Variants in TENM3 observed in about 807,000 individuals in gnomAD.
TENM3 encodes the protein teneurin-3.
Under a neutral mutation model 255.1 loss-of-function variants are expected in TENM3, and 63 were observed. The ratio of observed to expected loss-of-function variants is 0.25; its 90% CI spans 0.20 to 0.30. The LOEUF is 0.30. Among genes scored for constraint, TENM3 ranks in the 10% least tolerant of loss-of-function variants. The pLI is 1.00. For missense variants in TENM3, 2,929 were observed against 3,461.1 expected, an observed-to-expected ratio of 0.85 and a Z score of 3.86; for synonymous variants, 1,306 against 1,322.3, an observed-to-expected ratio of 0.99 and a Z score of 0.27.
At chr4:182,467,810 A>T (rs531027469) in intron 3 of TENM3, among the ~76,000 whole-genome samples, 1 of 152,174 alleles carries the variant, frequency 6.6e-6, no homozygotes, top group East Asian at 1.9e-4. Context: ...TAAAGATCCA[A>T]TCTGGTAATT....
intron 5 of TENM3, among the ~76,000 whole-genome samples, chr4:182,645,160 G>A (rs1345169360): frequency 6.6e-6 from 1 of 151,480 alleles, no homozygotes; most frequent in Non-Finnish European, 1.5e-5. Context: ...GTGATATCAT[G>A]AACAGAAAAG....
intron 1 of TENM3, among the ~76,000 whole-genome samples, chr4:182,159,459 TGTGTGTGTGTGTG>T (rs1750953019): frequency 1.6e-5 from 1 of 60,818 alleles, no homozygotes; most frequent in Non-Finnish European, 6.0e-5. Flanking sequence ...TGTGTGTGTG[TGTGTGTGTGTGTG>T]TGTGTGTGTG....
chr4:182,640,141 A>G (rs190945086), intron 5 of TENM3, among the ~76,000 whole-genome samples: 2 of 152,296 alleles, frequency 1.3e-5, no homozygotes, highest in Non-Finnish European at 2.9e-5. Flanking sequence ...ATCAAGATAC[A>G]CTGATTTTTC....
chr4:182,771,662 T>C lies in TENM3; in HGVS notation c.4893-1810T>C, dbSNP rs989910423. Reference sequence around the variant, plus strand: ...TGAACGACAGAACTTTAGGCTGGTTTTGTCAATAATTCTGTAACTCTGCGC... The same window carrying C: ...TGAACGACAGAACTTTAGGCTGGTTCTGTCAATAATTCTGTAACTCTGCGC... On this transcript the variant is annotated intron_variant, in intron 22 of 27. Transcript: ENST00000511685. Among the ~76,000 whole-genome samples, 7 of 152,242 alleles carry C rather than the reference T, an allele frequency of 4.6e-5. No individual in the cohort carries two copies. In the East Asian group the frequency reaches 1.3e-3, roughly 29 times the overall value.
chr4:182,679,627 C>A (rs767476742), intron 7 of TENM3, 39 bp from the exon 8 acceptor site: 1 of 1,516,462 alleles, frequency 6.6e-7, no homozygotes, highest in Non-Finnish European at 9.1e-7. Flanking sequence ...AGCAGCCACC[C>A]TTTATCTTTC....
At chr4:182,164,246 G>C (rs953379021) in intron 1 of TENM3, among the ~76,000 whole-genome samples, 6 of 152,078 alleles carry the variant, frequency 3.9e-5, no homozygotes, top group Non-Finnish European at 8.8e-5. Flanking sequence ...ATCTTTTCCT[G>C]CAAACCTCAT....
chr4:182,271,307 A>G (rs1188954956), intron 1 of TENM3, among the ~76,000 whole-genome samples: 1 of 152,086 alleles, frequency 6.6e-6, no homozygotes, highest in African/African-American at 2.4e-5. Flanking sequence ...CTTTCCCTGA[A>G]ATTTAGTCTT....
the TENM3 span, among the ~76,000 whole-genome samples, chr4:181,972,545 T>G: frequency 6.6e-6 from 1 of 152,006 alleles, no homozygotes; most frequent in African/African-American, 2.4e-5. Flanking sequence ...AGAAAGATCC[T>G]AAAGAAGATG....
At chr4:182,305,082 G>A (rs1366801821) in intron 1 of TENM3, among the ~76,000 whole-genome samples, 1 of 151,994 alleles carries the variant, frequency 6.6e-6, no homozygotes, top group Non-Finnish European at 1.5e-5. Flanking sequence ...GCTTGTGAAC[G>A]TGGTATCTTT....
chr4:181,744,915 A>C, the TENM3 span, among the ~76,000 whole-genome samples: 2 of 152,206 alleles, frequency 1.3e-5, no homozygotes, highest in East Asian at 3.8e-4. Context: ...CCAGTTTTAG[A>C]TGCCTCTTAG....
chr4:182,788,152 A>G (rs1174153791), intron 24 of TENM3, among the ~76,000 whole-genome samples: 1 of 152,222 alleles, frequency 6.6e-6, no homozygotes, highest in African/African-American at 2.4e-5. Flanking sequence ...ATTTTTAACA[A>G]TCAAAACAGT....
the TENM3 span, among the ~76,000 whole-genome samples, chr4:181,945,029 A>G: frequency 1.3e-5 from 2 of 152,126 alleles, no homozygotes; most frequent in African/African-American, 2.4e-5. Context: ...GAAAGTTTTC[A>G]CATCTATTTG....
At chr4:181,766,443 G>A in the TENM3 span, among the ~76,000 whole-genome samples, 7 of 152,118 alleles carry the variant, frequency 4.6e-5, no homozygotes, top group African/African-American at 1.7e-4. Flanking sequence ...CCCAGAAAGA[G>A]AAAGTGCAAT....
chr4:182,093,002 C>T, the TENM3 span, among the ~76,000 whole-genome samples: 4 of 152,168 alleles, frequency 2.6e-5, no homozygotes, highest in African/African-American at 9.7e-5. Flanking sequence ...AGTGTCCCAA[C>T]TCCAAAATTT....
rs553019394 is a variant in TENM3 at position 182,627,679 on chromosome 4, GTAAC to G, written c.750-971_750-968del. Among the ~76,000 whole-genome samples, 4 of 2,646 alleles carry G rather than the reference GTAAC, an allele frequency of 1.5e-3. No individual in the cohort carries two copies. The South Asian group carries it at 0.033, about 22-fold the overall frequency. 1.7% of individuals were successfully genotyped at this position (2,646 alleles called of 152,430 possible). A position where few individuals can be genotyped will look rare whatever the true frequency, so the allele number is the denominator to read the frequency against. Reference sequence around the variant, plus strand: ...TGGATACTCACTGAATATACTGTAAGTAACCAGCATAATATTAAAAGTAAACCAT... The same window carrying G: ...TGGATACTCACTGAATATACTGTAAGCAGCATAATATTAAAAGTAAACCAT... On this transcript the variant is annotated intron_variant, in intron 4 of 27. Coordinates refer to ENST00000511685, the MANE Select transcript of TENM3 (RefSeq NM_001080477.4).
the TENM3 span, among the ~76,000 whole-genome samples, chr4:181,678,215 A>AT: frequency 6.6e-6 from 1 of 152,128 alleles, no homozygotes; most frequent in East Asian, 1.9e-4. Flanking sequence ...ATATATGTAC[A>AT]TTTTGAATTG....
At chr4:181,493,610 G>A in the TENM3 span, among the ~76,000 whole-genome samples, 7 of 152,022 alleles carry the variant, frequency 4.6e-5, no homozygotes, top group Non-Finnish European at 7.4e-5. Flanking sequence ...AGCCGGGCAT[G>A]GTGGTGCATG....
At chr4:181,979,097 CATATATAT>C in the TENM3 span, among the ~76,000 whole-genome samples, 152 of 30,320 alleles carry the variant, frequency 5.0e-3, 3 homozygotes, top group Middle Eastern at 0.028. Flanking sequence ...TTAAGCCTGA[CATATATAT>C]ATATATATAT....
chr4:182,003,321 C>T, the TENM3 span, among the ~76,000 whole-genome samples: 8 of 151,976 alleles, frequency 5.3e-5, no homozygotes, highest in Non-Finnish European at 1.0e-4. Context: ...ATACTGTGAT[C>T]GAAGTGTGCA....
Sources: allele counts gnomAD v4.1 joint callset (sites outside exome capture counted in the v4.1 genomes callset), GRCh38; gene constraint gnomAD v4.1.1; transcripts MANE v1.5; gene names NCBI Gene and HGNC (gene_info 2026-07-23, HGNC 2026-07-21).